SV2C: variants seen among roughly 807,000 people sequenced by gnomAD.
SV2C encodes the protein solute carrier family 22 member B3.
Under a neutral mutation model 79.7 loss-of-function variants are expected in SV2C, and 49 were observed. The ratio of observed to expected loss-of-function variants is 0.61; its 90% CI spans 0.49 to 0.78. The LOEUF is 0.78. Ranked by LOEUF, SV2C falls within the 30% of genes least tolerant of loss-of-function variation. SV2C has a pLI of 0.00. For missense variants in SV2C, 833 were observed against 912.9 expected, an observed-to-expected ratio of 0.91 and a Z score of 1.13; for synonymous variants, 334 against 333.2, an observed-to-expected ratio of 1.00 and a Z score of -0.03.
chr5:75,916,155 A>G, the SV2C span, among the ~76,000 whole-genome samples: 1 of 152,190 alleles, frequency 6.6e-6, no homozygotes, highest in Non-Finnish European at 1.5e-5. Context: ...TGGCAAGTCA[A>G]AACGTTTTGA....
intron 4 of SV2C, among the ~76,000 whole-genome samples, chr5:76,233,348 A>G (rs1432428691): frequency 3.6e-5 from 5 of 139,696 alleles, no homozygotes; most frequent in South Asian, 2.2e-4. Context: ...GGCTGAGACA[A>G]TGGGGTTTTC....
intron 4 of SV2C, among the ~76,000 whole-genome samples, chr5:76,268,946 G>C (rs546547975): frequency 2.0e-5 from 3 of 152,250 alleles, no homozygotes; most frequent in East Asian, 1.9e-4. Flanking sequence ...GAATAAAAAG[G>C]GGTCTCCTAA....
chr5:76,257,065 T>G (rs1226097398), intron 4 of SV2C, among the ~76,000 whole-genome samples: 3 of 152,166 alleles, frequency 2.0e-5, no homozygotes, highest in Non-Finnish European at 4.4e-5. Context: ...CTCTAGGCAT[T>G]TGCAGATTTT....
At chr5:75,876,734 A>G in the SV2C span, among the ~76,000 whole-genome samples, 1 of 152,116 alleles carries the variant, frequency 6.6e-6, no homozygotes, top group Non-Finnish European at 1.5e-5. Flanking sequence ...TATCACTGAA[A>G]TTAAGCCAGT....
At chr5:75,932,260 G>T in the SV2C span, among the ~76,000 whole-genome samples, 1 of 152,170 alleles carries the variant, frequency 6.6e-6, no homozygotes, top group Non-Finnish European at 1.5e-5. Flanking sequence ...GGCCAACTCT[G>T]GGCAACTCTG....
chr5:76,325,692 G>A lies in SV2C; in HGVS notation c.*145G>A. The A allele has an allele frequency of 8.6e-7, 1 of 1,163,988 alleles. No homozygotes were observed. Among genetic ancestry groups the A allele is most frequent in the Non-Finnish European group, 1.2e-6 (1 of 849,050 alleles). The allele number at this position is 1,163,988 out of a possible 1,614,324, so 72.1% of individuals were successfully genotyped here. ...ACGTGCTGTGACTTAAAATTTAGAAGCATATCATCTTGCCCCTTTGTGATT... is the reference window on the plus strand; with the variant it reads ...ACGTGCTGTGACTTAAAATTTAGAAACATATCATCTTGCCCCTTTGTGATT... On this transcript the variant is annotated 3_prime_UTR_variant, in exon 13 of 13. Coordinates refer to ENST00000502798, the MANE Select transcript of SV2C (RefSeq NM_014979.4).
chr5:76,157,962 G>A (rs920045280), intron 2 of SV2C, among the ~76,000 whole-genome samples: 1 of 151,828 alleles, frequency 6.6e-6, no homozygotes, highest in Admixed American at 6.6e-5. Context: ...AATAAAATTG[G>A]TGTAAATCTG....
At chr5:75,907,752 G>T in the SV2C span, among the ~76,000 whole-genome samples, 407 of 152,216 alleles carry the variant, frequency 2.7e-3, 2 homozygotes, top group African/African-American at 8.6e-3. Context: ...GTTTATTTTT[G>T]TCTCTCTAAT....
intron 2 of SV2C, among the ~76,000 whole-genome samples, chr5:76,140,667 G>A (rs755746204): frequency 4.6e-5 from 7 of 151,940 alleles, no homozygotes; most frequent in African/African-American, 7.3e-5. Context: ...ATGACATAGA[G>A]GGACACAGAG....
chr5:75,984,567 A>ATCTATATCTATCTATCTATC, the SV2C span, among the ~76,000 whole-genome samples: 427 of 102,900 alleles, frequency 4.1e-3, 4 homozygotes, highest in African/African-American at 0.012. Context: ...CTATCTATCT[A>ATCTATATCTATCTATCTATC]TATCTATCTA....
At chr5:76,342,839 C>T (rs1217454278) in intron 12 of SV2C, among the ~76,000 whole-genome samples, 1 of 151,646 alleles carries the variant, frequency 6.6e-6, no homozygotes, top group Non-Finnish European at 1.5e-5. Flanking sequence ...TTAATGTGTA[C>T]AACATGGTAT....
At chr5:76,118,071 G>A in intron 1 of SV2C, among the ~76,000 whole-genome samples, 1 of 152,186 alleles carries the variant, frequency 6.6e-6, no homozygotes, top group East Asian at 1.9e-4. Flanking sequence ...CAAACTGGAT[G>A]ACTTAAAATA....
At chr5:76,182,539 G>A (rs1044166744) in intron 2 of SV2C, among the ~76,000 whole-genome samples, 11 of 152,086 alleles carry the variant, frequency 7.2e-5, no homozygotes, top group African/African-American at 2.7e-4. Flanking sequence ...CTTTTTTCCA[G>A]GGTCAGTACT....
intron 2 of SV2C, among the ~76,000 whole-genome samples, chr5:76,148,572 C>G (rs1749506087): frequency 6.6e-6 from 1 of 152,132 alleles, no homozygotes; most frequent in Admixed American, 6.5e-5. Flanking sequence ...ACCTCTGACT[C>G]CTGAGTATCT....
At chr5:76,271,695 C>G (rs2112474286) in intron 4 of SV2C, among the ~76,000 whole-genome samples, 1 of 144,256 alleles carries the variant, frequency 6.9e-6, no homozygotes, top group Non-Finnish European at 1.5e-5. Flanking sequence ...TCTCGAACTC[C>G]TGACCTCCTG....
chr5:76,202,536 A>C (rs1186210203), intron 3 of SV2C, among the ~76,000 whole-genome samples: 1 of 152,234 alleles, frequency 6.6e-6, no homozygotes, highest in Non-Finnish European at 1.5e-5. Context: ...GGCACAACGT[A>C]TACATGATAT....
the SV2C span, among the ~76,000 whole-genome samples, chr5:76,053,587 G>GA: frequency 6.6e-6 from 1 of 151,632 alleles, no homozygotes; most frequent in Non-Finnish European, 1.5e-5. Context: ...TACAATAAAA[G>GA]AAAAAAAAGA....
chr5:76,113,607 C>T (rs1461659892), intron 1 of SV2C, among the ~76,000 whole-genome samples: 1 of 152,192 alleles, frequency 6.6e-6, no homozygotes, highest in Non-Finnish European at 1.5e-5. Flanking sequence ...CAGTAGTCCA[C>T]TTGGGAGGAT....
chr5:76,023,786 T>C, the SV2C span, among the ~76,000 whole-genome samples: 1 of 151,910 alleles, frequency 6.6e-6, no homozygotes, highest in Non-Finnish European at 1.5e-5. Flanking sequence ...ACTTAATATT[T>C]TCTCAGAGAC....
Sources: allele counts gnomAD v4.1 joint callset (sites outside exome capture counted in the v4.1 genomes callset), GRCh38; gene constraint gnomAD v4.1.1; transcripts MANE v1.5; gene names NCBI Gene and HGNC (gene_info 2026-07-23, HGNC 2026-07-21).